Variants in BCAS3 observed in about 807,000 individuals in gnomAD.
The protein encoded by BCAS3 is BCAS4/BCAS3 fusion.
Under a neutral mutation model 116.1 loss-of-function variants are expected in BCAS3, and 53 were observed. The ratio of observed to expected loss-of-function variants is 0.46; its 90% CI spans 0.37 to 0.57. The LOEUF (loss-of-function observed/expected upper bound fraction) is 0.57, where lower values mean the gene tolerates loss of function less well. Ranked by LOEUF, BCAS3 falls within the 20% of genes least tolerant of loss-of-function variation. The pLI, the probability that BCAS3 is intolerant of heterozygous loss-of-function variation, is 0.00. For missense variants in BCAS3, 917 were observed against 1,165.4 expected (o/e 0.79, Z 3.10); for synonymous variants, 391 against 408.2 (o/e 0.96, Z 0.51).
At chr17:61,064,548 G>A (rs552599687) in intron 19 of BCAS3, among the ~76,000 whole-genome samples, 1 of 152,270 alleles carries the variant, frequency 6.6e-6, no homozygotes, top group Admixed American at 6.5e-5. Flanking sequence ...AAGCTCCTTA[G>A]TTTATGTCTT....
At chr17:60,850,226 A>T (rs1271263928) in intron 7 of BCAS3, among the ~76,000 whole-genome samples, 1 of 152,044 alleles carries the variant, frequency 6.6e-6, no homozygotes, top group Non-Finnish European at 1.5e-5. Flanking sequence ...GCATTTGAGA[A>T]ATGTATGATG....
intron 12 of BCAS3, among the ~76,000 whole-genome samples, chr17:60,911,726 C>T (rs536308269): frequency 2.6e-5 from 4 of 152,300 alleles, no homozygotes; most frequent in East Asian, 1.9e-4. Flanking sequence ...TGAGCCACTG[C>T]GCCCAGCCAC....
At chr17:60,840,112 C>T (rs1010370837) in intron 7 of BCAS3, among the ~76,000 whole-genome samples, 1 of 149,756 alleles carries the variant, frequency 6.7e-6, no homozygotes, top group Admixed American at 6.7e-5. Context: ...AAGAAAATAC[C>T]CAAATGTAAA....
chr17:61,045,986 TA>T (rs1351301752), intron 19 of BCAS3, among the ~76,000 whole-genome samples: 3 of 9,794 alleles, frequency 3.1e-4, no homozygotes, highest in African/African-American at 1.0e-3. Flanking sequence ...ATTATATATA[TA>T]TTTATATATA....
At chr17:60,766,830 T>C (rs1248663482) in intron 6 of BCAS3, among the ~76,000 whole-genome samples, 2 of 152,208 alleles carry the variant, frequency 1.3e-5, no homozygotes, top group Admixed American at 1.3e-4. Flanking sequence ...AGGCGGGCCC[T>C]GTTGAGCTGC....
intron 14 of BCAS3, among the ~76,000 whole-genome samples, chr17:60,958,308 C>A (rs113393471): frequency 6.6e-6 from 1 of 151,996 alleles, no homozygotes; most frequent in African/African-American, 2.4e-5. Context: ...ATCTTTTATT[C>A]AAAAATGACA....
In BCAS3 at chr17:61,347,845, C is replaced by G. The variant is rs1015613017; in HGVS notation, c.2426-20482C>G. Among the ~76,000 whole-genome samples the G allele has an allele frequency of 6.6e-6, 1 of 152,120 alleles. No homozygotes were observed. Among genetic ancestry groups the G allele is most frequent in the Non-Finnish European group, 1.5e-5 (1 of 68,038 alleles). On this transcript the variant is annotated intron_variant, in intron 22 of 23. Coordinates refer to ENST00000407086, the MANE Select transcript of BCAS3 (RefSeq NM_017679.5). The surrounding 1 kb of genome is among the most constrained non-coding windows in gnomAD (Gnocchi z 4.3). ...ACTTCACCAGGGAAGGCATTCCAGG[C>G]AGAGGGAGCAGCAGATGCACAGACA...
At chr17:60,989,876 C>T in intron 14 of BCAS3, 95 bp from the exon 15 acceptor site, 2 of 1,312,166 alleles carry the variant, frequency 1.5e-6, no homozygotes, top group Non-Finnish European at 2.1e-6. Flanking sequence ...GGTAATGAGG[C>T]AATCATTTAT....
In BCAS3 at chr17:60,956,812, A is replaced by G. The variant is rs2061156364; in HGVS notation, c.1221+9460A>G. ...CAAAATTAATTTTATAAGGTTCTACAGAAAATTATTTTGAACTGATATATA... is the reference window on the plus strand; with the variant it reads ...CAAAATTAATTTTATAAGGTTCTACGGAAAATTATTTTGAACTGATATATA... On this transcript the variant is annotated intron_variant, in intron 14 of 23. Transcript: ENST00000407086. The surrounding 1 kb of genome is among the most constrained non-coding windows in gnomAD (Gnocchi z 4.2). Among the ~76,000 whole-genome samples, 1 of 152,188 alleles carries G rather than the reference A, an allele frequency of 6.6e-6. No homozygotes were observed. The highest frequency in any genetic ancestry group is 1.5e-5 in the Non-Finnish European group (1 of 68,008).
Position 61,377,512 on chromosome 17 carries a change from G to A in BCAS3, c.2593+9018G>A, listed in dbSNP as rs186799721. On this transcript the variant is annotated intron_variant, in intron 23 of 23. Coordinates refer to ENST00000407086, the MANE Select transcript of BCAS3 (RefSeq NM_017679.5). This position sits in a 1 kb window ranked among gnomAD's most constrained non-coding sequence, Gnocchi z 4.6. ...AATGTGGTGTTTTTTTCCCCTTTTC[G>A]ATGGGATTTGAAGCCCTCATCAAGC... Among the ~76,000 whole-genome samples the A allele has an allele frequency of 2.6e-5, 4 of 152,264 alleles. No homozygotes were observed. Among genetic ancestry groups the A allele is most frequent in the Admixed American group, 6.5e-5 (1 of 15,296 alleles).
At chr17:61,311,972 A>C (rs1298640230) in intron 22 of BCAS3, among the ~76,000 whole-genome samples, 1 of 152,188 alleles carries the variant, frequency 6.6e-6, no homozygotes, top group Non-Finnish European at 1.5e-5. Context: ...GTCAAATGTG[A>C]GGTAAGTAGG....
In BCAS3 at chr17:61,104,348, T is replaced by G. The variant is rs188858127; in HGVS notation, c.2425+19784T>G. Among the ~76,000 whole-genome samples, 7 of 152,284 alleles carry G rather than the reference T, an allele frequency of 4.6e-5. No homozygotes were observed. Among genetic ancestry groups the G allele is most frequent in the Admixed American group, 4.6e-4 (7 of 15,302 alleles). On this transcript the variant is annotated intron_variant, in intron 22 of 23. Transcript: ENST00000407086. This position sits in a 1 kb window ranked among gnomAD's most constrained non-coding sequence, Gnocchi z 4.1. ...TTTTTTAAAAACTTTTTAAAAAAAGTTTTTCATATAACTTTTTCATCTTGT... is the reference window on the plus strand; with the variant it reads ...TTTTTTAAAAACTTTTTAAAAAAAGGTTTTCATATAACTTTTTCATCTTGT...
chr17:61,128,177 G>A lies in BCAS3; in HGVS notation c.2425+43613G>A. ...GACAACTCAATCTGGTTTTCTTTTAGGAAGCCTTCCACCAGGAATAGTGTG... is the reference window on the plus strand; with the variant it reads ...GACAACTCAATCTGGTTTTCTTTTAAGAAGCCTTCCACCAGGAATAGTGTG... On this transcript the variant is annotated intron_variant, in intron 22 of 23. Coordinates refer to ENST00000407086, the MANE Select transcript of BCAS3 (RefSeq NM_017679.5). This position sits in a 1 kb window ranked among gnomAD's most constrained non-coding sequence, Gnocchi z 4.1. The A allele has an allele frequency of 1.0e-6, 1 of 985,356 alleles. No individual in the cohort carries two copies. Among genetic ancestry groups the A allele is most frequent in the Non-Finnish European group, 1.2e-6 (1 of 829,898 alleles). 61.0% of individuals were successfully genotyped at this position (985,356 alleles called of 1,614,324 possible). A position where few individuals can be genotyped will look rare whatever the true frequency, so the allele number is the denominator to read the frequency against.
chr17:61,176,138 CAAAAAA>C (rs534042215), intron 22 of BCAS3, among the ~76,000 whole-genome samples: 2 of 50,046 alleles, frequency 4.0e-5, no homozygotes, highest in South Asian at 8.9e-4. Flanking sequence ...GACCCTATCT[CAAAAAA>C]AAAAAAAAAA....
At chr17:60,787,416 T>G (rs2046373136) in intron 6 of BCAS3, among the ~76,000 whole-genome samples, 1 of 152,208 alleles carries the variant, frequency 6.6e-6, no homozygotes, top group African/African-American at 2.4e-5. Context: ...CTAAGTATAT[T>G]TCATTATATG....
chr17:60,891,695 T>C (rs9303430), intron 10 of BCAS3: 92,644 of 455,010 alleles, frequency 0.2, 17,798 homozygotes, highest in African/African-American at 0.72. Context: ...CGTGCATGTT[T>C]GTTACACAGG....
At chr17:61,075,233 T>C (rs2071856069) in intron 20 of BCAS3, among the ~76,000 whole-genome samples, 2 of 152,172 alleles carry the variant, frequency 1.3e-5, no homozygotes, top group South Asian at 4.1e-4. Flanking sequence ...TGTATATATA[T>C]ATATGTTAGC....
At position 61,256,637 on chromosome 17, in the gene BCAS3, G is replaced by A. The variant is rs2048802142; in HGVS notation, c.2426-111690G>A. Reference sequence around the variant, plus strand: ...TTGTTTAGGTGTCTTTGTCCATGGAGTGCTATGTGTCCAGGGTTGTTGCCC... The same window carrying A: ...TTGTTTAGGTGTCTTTGTCCATGGAATGCTATGTGTCCAGGGTTGTTGCCC... On this transcript the variant is annotated intron_variant, in intron 22 of 23. Transcript: ENST00000407086. The surrounding 1 kb of genome is among the most constrained non-coding windows in gnomAD (Gnocchi z 5.6). Among the ~76,000 whole-genome samples the A allele has an allele frequency of 4.6e-5, 7 of 152,158 alleles. No homozygotes were observed. Among genetic ancestry groups the A allele is most frequent in the Admixed American group, 4.6e-4 (7 of 15,270 alleles).
chr17:61,254,127 C>G (rs902223377), intron 22 of BCAS3, among the ~76,000 whole-genome samples: 1 of 152,182 alleles, frequency 6.6e-6, no homozygotes, highest in African/African-American at 2.4e-5. Context: ...AGAGAGCCGG[C>G]CTCCTTCCTT....
Sources: allele counts gnomAD v4.1 joint callset (sites outside exome capture counted in the v4.1 genomes callset), GRCh38; gene constraint gnomAD v4.1.1; non-coding constraint Gnocchi (gnomAD v3.1); transcripts MANE v1.5; gene names NCBI Gene and HGNC (gene_info 2026-07-23, HGNC 2026-07-21).